LONP2: variants seen among roughly 807,000 people sequenced by gnomAD.
The protein encoded by LONP2 is lon peptidase 2, peroxisomal, also known as lon protease homolog 2, peroxisomal.
In LONP2, 60 loss-of-function variants were observed where a neutral mutation model predicts 85.6. The observed-to-expected ratio is 0.70, with a 90% CI of 0.57 to 0.87. The LOEUF is 0.87. Ranked by LOEUF, LONP2 falls within the 40% of genes least tolerant of loss-of-function variation. The pLI is 0.00. For missense variants in LONP2, 860 were observed against 1,063.5 expected (o/e 0.81, Z 2.66); for synonymous variants, 395 against 389.7 (o/e 1.01, Z -0.16).
chr16:48,362,072 C>G (rs780038021), downstream of LONP2: 2 of 1,614,102 alleles, frequency 1.2e-6, no homozygotes, highest in African/African-American at 2.7e-5. The surrounding 1 kb of genome is among the most constrained non-coding windows in gnomAD (Gnocchi z 4.2). Context: ...ACTCACAGAG[C>G]TCTTCATGGT....
chr16:48,293,823 C>T (rs1972610526), intron 8 of LONP2, among the ~76,000 whole-genome samples: 1 of 152,184 alleles, frequency 6.6e-6, no homozygotes, highest in African/African-American at 2.4e-5. Context: ...GAGCAGAGGA[C>T]TCAGAGGAGC....
At chr16:48,361,433 C>T, downstream of LONP2, 1 of 706,744 alleles carries the variant, frequency 1.4e-6, no homozygotes, top group Admixed American at 2.7e-5. Flanking sequence ...CAACTGTTTC[C>T]TGTATTTAAC....
At chr16:48,299,000 C>T (rs1381519183) in intron 9 of LONP2, among the ~76,000 whole-genome samples, 3 of 151,692 alleles carry the variant, frequency 2.0e-5, no homozygotes, top group Non-Finnish European at 2.9e-5. Flanking sequence ...AAGCAATTCT[C>T]GTGCCTCAGC....
intron 1 of LONP2, among the ~76,000 whole-genome samples, chr16:48,246,479 T>C (rs879061545): frequency 6.6e-6 from 1 of 152,250 alleles, no homozygotes; most frequent in Non-Finnish European, 1.5e-5. Context: ...CATGGGCACA[T>C]TGTGAACTTG....
chr16:48,345,392 C>T (rs1399164068), intron 12 of LONP2: 1 of 152,216 alleles, frequency 6.6e-6, no homozygotes, highest in African/African-American at 2.4e-5. Flanking sequence ...GATTCATTCA[C>T]CCAACCCTAG....
In LONP2 at chr16:48,300,129, A is replaced by T. The variant is rs555019043; in HGVS notation, c.1661+341A>T. Reference sequence around the variant, plus strand: ...GTTAATTTGATCATTTAAAAACCAAATACATGGCAAATATAGAGACACTTT... The same window carrying T: ...GTTAATTTGATCATTTAAAAACCAATTACATGGCAAATATAGAGACACTTT... On this transcript the variant is annotated intron_variant, in intron 10 of 14. Coordinates refer to ENST00000285737, the MANE Select transcript of LONP2 (RefSeq NM_031490.5). Among the ~76,000 whole-genome samples the T allele has an allele frequency of 2.0e-5, 3 of 152,362 alleles. No individual in the cohort carries two copies. In the East Asian group the frequency reaches 5.8e-4, roughly 29 times the overall value.
At chr16:48,325,200 A>G (rs1973344238) in intron 11 of LONP2, among the ~76,000 whole-genome samples, 3 of 152,100 alleles carry the variant, frequency 2.0e-5, no homozygotes. Context: ...TTGAGCTCCT[A>G]TGAGAATCTA....
chr16:48,284,769 G>C (rs1972403526), intron 8 of LONP2, among the ~76,000 whole-genome samples: 1 of 152,160 alleles, frequency 6.6e-6, no homozygotes, highest in Admixed American at 6.5e-5. Flanking sequence ...TGAACCCACA[G>C]TGTCTCTGAG....
At chr16:48,309,263 C>CCGT (rs1972978957) in intron 11 of LONP2, among the ~76,000 whole-genome samples, 1 of 152,076 alleles carries the variant, frequency 6.6e-6, no homozygotes, top group African/African-American at 2.4e-5. Context: ...AAAAATAGAA[C>CCGT]CGTCATTTGA....
chr16:48,254,134 CT>C (rs1419011953), intron 2 of LONP2, among the ~76,000 whole-genome samples: 1 of 152,150 alleles, frequency 6.6e-6, no homozygotes, highest in Non-Finnish European at 1.5e-5. Flanking sequence ...ATCCCATTCC[CT>C]TGAGTAAAAG....
At chr16:48,316,185 T>C (rs1402999591) in intron 11 of LONP2, among the ~76,000 whole-genome samples, 1 of 151,800 alleles carries the variant, frequency 6.6e-6, no homozygotes, top group Non-Finnish European at 1.5e-5. Flanking sequence ...TTTTGTATTT[T>C]TAGTAGAGAC....
intron 11 of LONP2, among the ~76,000 whole-genome samples, chr16:48,333,274 C>T (rs1473482211): frequency 6.6e-6 from 1 of 152,106 alleles, no homozygotes; most frequent in African/African-American, 2.4e-5. Flanking sequence ...AGGTCCAAAC[C>T]AAAATGAGTC....
chr16:48,334,323 A>G lies in LONP2; in HGVS notation c.1903A>G (p.Lys635Glu). The change falls in exon 12 of 15, where the codon AAA (lysine) becomes GAA (glutamate). Residue 635 changes from lysine (K) to glutamate (E), a missense_variant. Physicochemically the swap from Lys to Glu is moderately conservative, Grantham distance 56. This residue lies in a region of LONP2 where 743 missense variants were observed against 917.3 expected (regional missense o/e 0.81). Transcript: ENST00000285737. ...GATTTTGATTGATTTCCATGCTCTG[A>G]AAGACATCCTTGGGCCCCCGATGTA... ...MPILIDFHAL[K>E]DILGPPMYEM... 1 of 1,614,140 alleles carries G rather than the reference A, an allele frequency of 6.2e-7. No homozygotes were observed. Among genetic ancestry groups the G allele is most frequent in the Non-Finnish European group, 8.5e-7 (1 of 1,180,020 alleles).
chr16:48,256,587 A>G, intron 2 of LONP2, 23 bp from the exon 3 acceptor site: 1 of 1,607,092 alleles, frequency 6.2e-7, no homozygotes, highest in Non-Finnish European at 8.5e-7. Context: ...TTTCATTTAA[A>G]AGACTTTTTT....
rs534568146 is a variant in LONP2 at position 48,267,424 on chromosome 16, C to G, written c.983-2592C>G. Among the ~76,000 whole-genome samples the G allele has an allele frequency of 2.6e-5, 4 of 152,110 alleles. No individual in the cohort carries two copies. In the East Asian group the frequency reaches 5.8e-4, roughly 22 times the overall value. ...AAGCAATTCTCCTGCCTCAGCCTCT[C>G]AAGTAGCTGGGATTACAGGCGCTTG... On this transcript the variant is annotated intron_variant, in intron 6 of 14. Transcript: ENST00000285737.
At chr16:48,286,253 C>T (rs576699192) in intron 8 of LONP2, among the ~76,000 whole-genome samples, 4 of 151,526 alleles carry the variant, frequency 2.6e-5, no homozygotes, top group African/African-American at 9.7e-5. Context: ...ACCATTCTCC[C>T]GCCTCAGCCT....
chr16:48,306,307 T>G lies in LONP2; in HGVS notation c.1795+3002T>G, dbSNP rs139849835. 4.3e-3 allele frequency among the ~76,000 whole-genome samples: 653 copies of G among 152,350 alleles called. 3 individuals carry two copies. The highest frequency in any genetic ancestry group is 0.015 in the African/African-American group (618 of 41,574). ...TGTATAGTTATACATTGCTTAATGT[T>G]TATACATACATCCATGTAGCATACT... is the stretch of plus-strand genomic sequence containing the variant. On this transcript the variant is annotated intron_variant, in intron 11 of 14. Coordinates refer to ENST00000285737, the MANE Select transcript of LONP2 (RefSeq NM_031490.5).
intron 8 of LONP2, among the ~76,000 whole-genome samples, chr16:48,277,855 C>G (rs4619404): frequency 0.014 from 2,066 of 151,032 alleles, 46 homozygotes; most frequent in African/African-American, 0.047. Flanking sequence ...TTGATTAACC[C>G]TATTTTCAAA....
intron 2 of LONP2, among the ~76,000 whole-genome samples, chr16:48,254,740 T>C (rs894476691): frequency 6.6e-6 from 1 of 152,374 alleles, no homozygotes; most frequent in South Asian, 2.1e-4. Context: ...ATAATGCTTA[T>C]CACATTGTAT....
Sources: gnomAD v4.1 joint callset for allele counts (sites outside exome capture counted in the v4.1 genomes callset) on GRCh38, gnomAD v4.1.1 for gene constraint, gnomAD v4.1.1 regional missense constraint, Gnocchi (gnomAD v3.1) non-coding constraint, MANE v1.5 for transcripts, NCBI Gene and HGNC (gene_info 2026-07-23, HGNC 2026-07-21) for gene names.